Variants in COL23A1 observed in about 807,000 individuals in gnomAD.
COL23A1 encodes the protein collagen type XXIII alpha 1 chain.
A neutral mutation model predicts 99.3 loss-of-function variants in COL23A1; 97 were observed. That is an observed-to-expected ratio of 0.98 (90% CI 0.83 to 1.16). The LOEUF (loss-of-function observed/expected upper bound fraction) is 1.16. Ranked by LOEUF, COL23A1 falls within the 50% of genes most tolerant of loss-of-function variation. The pLI is 0.00. For synonymous variants in COL23A1, 320 were observed against 308.2 expected, an observed-to-expected ratio of 1.04 and a Z score of -0.40; for missense variants, 762 against 757.4, an observed-to-expected ratio of 1.01 and a Z score of -0.07.
At chr5:178,389,518 C>T (rs112590651) in intron 2 of COL23A1, among the ~76,000 whole-genome samples, 54 of 152,340 alleles carry the variant, frequency 3.5e-4, no homozygotes, top group African/African-American at 1.3e-3. Flanking sequence ...TGGGGAGCTG[C>T]ACATTCTCAT....
chr5:178,527,725 A>C (rs1315043114), intron 2 of COL23A1, among the ~76,000 whole-genome samples: 2 of 151,944 alleles, frequency 1.3e-5, no homozygotes, highest in Non-Finnish European at 2.9e-5. Flanking sequence ...ACTGCCTTCC[A>C]CTACAAGCTG....
At position 178,260,849 on chromosome 5, in the gene COL23A1, A is replaced by G. The variant is rs565692424; in HGVS notation, c.702+873T>C. On this transcript the variant is annotated intron_variant, in intron 11 of 28. Coordinates refer to ENST00000390654, the MANE Select transcript of COL23A1 (RefSeq NM_173465.4). ...AGGGGCTAGGGAGAACGAGGGATGA[A>G]CAGGCGGAGAACAGAGCATGTTTAG... Among the ~76,000 whole-genome samples, 8 of 152,352 alleles carry G rather than the reference A, an allele frequency of 5.3e-5. No homozygotes were observed. In the East Asian group the frequency reaches 1.5e-3, roughly 29 times the overall value.
intron 2 of COL23A1, among the ~76,000 whole-genome samples, chr5:178,518,735 CG>C: frequency 6.7e-6 from 1 of 149,240 alleles, no homozygotes; most frequent in East Asian, 2.0e-4. Flanking sequence ...ACTTCCCAGA[CG>C]GGGTGGCAGC....
chr5:178,296,969 C>T (rs1283569248), intron 3 of COL23A1, among the ~76,000 whole-genome samples: 5 of 152,222 alleles, frequency 3.3e-5, no homozygotes, highest in Admixed American at 6.5e-5. Context: ...ACAAAATGCC[C>T]AACCCCTTTC....
intron 2 of COL23A1, among the ~76,000 whole-genome samples, chr5:178,482,503 A>G (rs536082979): frequency 6.6e-6 from 1 of 152,308 alleles, no homozygotes; most frequent in African/African-American, 2.4e-5. Context: ...GTTGGGGAAG[A>G]TGAAGAAAAA....
At chr5:178,413,023 CA>C (rs34110305) in intron 2 of COL23A1, among the ~76,000 whole-genome samples, 1 of 148,302 alleles carries the variant, frequency 6.7e-6, no homozygotes. Flanking sequence ...CCCATTTCTA[CA>C]AAAAAAAAAA....
intron 2 of COL23A1, among the ~76,000 whole-genome samples, chr5:178,548,449 C>T (rs1054482658): frequency 2.6e-5 from 4 of 152,068 alleles, no homozygotes; most frequent in African/African-American, 7.2e-5. Context: ...ATCCAAAAAC[C>T]GGGAGTCACC....
chr5:178,475,880 A>G (rs1211976415), intron 2 of COL23A1, among the ~76,000 whole-genome samples: 1 of 151,956 alleles, frequency 6.6e-6, no homozygotes, highest in East Asian at 1.9e-4. Flanking sequence ...GGCTGGGAGG[A>G]CCCCTGCGAA....
intron 2 of COL23A1, among the ~76,000 whole-genome samples, chr5:178,335,486 CT>C (rs1760267219): frequency 6.6e-6 from 1 of 152,198 alleles, no homozygotes; most frequent in Non-Finnish European, 1.5e-5. Flanking sequence ...TGACTTCCTG[CT>C]TATTTCATGA....
chr5:178,370,670 G>C (rs1762750830), intron 2 of COL23A1, among the ~76,000 whole-genome samples: 1 of 152,146 alleles, frequency 6.6e-6, no homozygotes, highest in Admixed American at 6.5e-5. Flanking sequence ...ATCAGCCTGG[G>C]TAACACGGTG....
chr5:178,400,171 C>A (rs1192589316), intron 2 of COL23A1, among the ~76,000 whole-genome samples: 1 of 151,992 alleles, frequency 6.6e-6, no homozygotes. Flanking sequence ...TCGAGACCAT[C>A]CTGGCTAACA....
intron 2 of COL23A1, among the ~76,000 whole-genome samples, chr5:178,520,273 C>T (rs1176388951): frequency 6.6e-6 from 1 of 152,154 alleles, no homozygotes; most frequent in Non-Finnish European, 1.5e-5. Flanking sequence ...CTTGACTTTG[C>T]TGCCAGAGCA....
chr5:178,426,655 G>C (rs1561962187), intron 2 of COL23A1, among the ~76,000 whole-genome samples: 1 of 152,208 alleles, frequency 6.6e-6, no homozygotes, highest in Non-Finnish European at 1.5e-5. Flanking sequence ...ATCCGAAGCA[G>C]CCATTTGAAG....
At chr5:178,360,324 G>A (rs1217086802) in intron 2 of COL23A1, among the ~76,000 whole-genome samples, 2 of 152,172 alleles carry the variant, frequency 1.3e-5, no homozygotes, top group African/African-American at 2.4e-5. Flanking sequence ...TTCAAGGAAA[G>A]TACGTTTCTT....
chr5:178,450,746 A>G (rs932130060), intron 2 of COL23A1, among the ~76,000 whole-genome samples: 5 of 152,288 alleles, frequency 3.3e-5, no homozygotes, highest in Non-Finnish European at 7.4e-5. Flanking sequence ...TGCTCTCTCC[A>G]TGTATTATCT....
intron 27 of COL23A1, among the ~76,000 whole-genome samples, chr5:178,240,456 C>G (rs996748979): frequency 2.6e-5 from 4 of 152,230 alleles, no homozygotes; most frequent in Admixed American, 6.5e-5. Flanking sequence ...GGCCAGGCCG[C>G]CTACCGCAGG....
chr5:178,389,601 C>T (rs955654992), intron 2 of COL23A1, among the ~76,000 whole-genome samples: 1 of 152,198 alleles, frequency 6.6e-6, no homozygotes. Context: ...TTCCCTCCAC[C>T]CCCAAGTCGT....
intron 2 of COL23A1, among the ~76,000 whole-genome samples, chr5:178,532,055 G>C (rs1241419533): frequency 6.6e-6 from 1 of 152,236 alleles, no homozygotes; most frequent in African/African-American, 2.4e-5. Flanking sequence ...ATGAGTGCAG[G>C]CTGGCTGGGG....
chr5:178,468,058 C>T lies in COL23A1; in HGVS notation c.361+92624G>A, dbSNP rs1046366064. Among the ~76,000 whole-genome samples, 2 of 152,214 alleles carry T rather than the reference C, an allele frequency of 1.3e-5. No individual in the cohort carries two copies. The highest frequency in any genetic ancestry group is 2.9e-5 in the Non-Finnish European group (2 of 68,044). ...AATATCCCACCCACGCATCACCTAA[C>T]AGCCTCTGGGGCGGTGTGTTCCTTA... On this transcript the variant is annotated intron_variant, in intron 2 of 28. Transcript: ENST00000390654. This position sits in a 1 kb window ranked among gnomAD's most constrained non-coding sequence, Gnocchi z 4.2.
Sources: allele counts gnomAD v4.1 joint callset (sites outside exome capture counted in the v4.1 genomes callset), GRCh38; gene constraint gnomAD v4.1.1; non-coding constraint Gnocchi (gnomAD v3.1); transcripts MANE v1.5; gene names NCBI Gene and HGNC (gene_info 2026-07-23, HGNC 2026-07-21).